Variants in GLMN observed in about 807,000 individuals in gnomAD.
GLMN encodes the protein glomulin, FKBP associated protein, also known as glomulin.
A neutral mutation model predicts 87.8 loss-of-function variants in GLMN; 75 were observed. The observed-to-expected ratio is 0.85, with a 90% CI of 0.71 to 1.04. The LOEUF is 1.04. Among genes scored for constraint, GLMN ranks in the 50% least tolerant of loss-of-function variants. The pLI, the probability that GLMN is intolerant of heterozygous loss-of-function variation, is 0.00. For synonymous variants in GLMN, 206 were observed against 221.6 expected (o/e 0.93, Z 0.63); for missense variants, 588 against 658.8 (o/e 0.89, Z 1.18).
chr1:92,250,466 T>C (rs1653318603), intron 16 of GLMN, among the ~76,000 whole-genome samples: 1 of 152,224 alleles, frequency 6.6e-6, no homozygotes. Context: ...CCTAAGTTTT[T>C]AGTATTTCAA....
At chr1:92,327,458 G>A in the GLMN span, among the ~76,000 whole-genome samples, 1 of 152,076 alleles carries the variant, frequency 6.6e-6, no homozygotes, top group Non-Finnish European at 1.5e-5. Context: ...AGTTTGTTTT[G>A]TCTGATATAA....
the GLMN span, among the ~76,000 whole-genome samples, chr1:92,334,857 G>A: frequency 9.2e-5 from 14 of 152,090 alleles, 1 homozygote; most frequent in East Asian, 2.1e-3. Context: ...GCGTGGTGGC[G>A]GATGCCTGTA....
chr1:92,356,352 T>C, the GLMN span, among the ~76,000 whole-genome samples: 3 of 152,268 alleles, frequency 2.0e-5, no homozygotes, highest in African/African-American at 7.2e-5. Flanking sequence ...TATGTGAGAG[T>C]TTCTGATTCT....
upstream of GLMN, among the ~76,000 whole-genome samples, chr1:92,303,164 C>T (rs530393554): frequency 6.6e-6 from 1 of 152,274 alleles, no homozygotes; most frequent in African/African-American, 2.4e-5. Context: ...TACAAAAACA[C>T]TTCTTAGTGT....
chr1:92,277,870 A>T (rs1402612393), intron 7 of GLMN, among the ~76,000 whole-genome samples: 1 of 152,088 alleles, frequency 6.6e-6, no homozygotes, highest in East Asian at 1.9e-4. Context: ...CAATCTAGCA[A>T]ATTAATCAAA....
At chr1:92,337,378 T>C in the GLMN span, among the ~76,000 whole-genome samples, 4 of 152,224 alleles carry the variant, frequency 2.6e-5, no homozygotes, top group East Asian at 7.7e-4. Flanking sequence ...TTTAAAAACA[T>C]CAGTAACCTT....
At chr1:92,324,307 A>G in the GLMN span, 1 of 1,613,972 alleles carries the variant, frequency 6.2e-7, no homozygotes, top group Non-Finnish European at 8.5e-7. Flanking sequence ...AAATCTGAGG[A>G]TCAGGGAGTT....
intron 1 of GLMN, among the ~76,000 whole-genome samples, chr1:92,298,379 G>A (rs1021016768): frequency 3.3e-5 from 5 of 151,480 alleles, no homozygotes; most frequent in African/African-American, 1.2e-4. Flanking sequence ...ACGAACTAAA[G>A]GGCTTTTAAA....
intron 16 of GLMN, among the ~76,000 whole-genome samples, chr1:92,254,690 C>T (rs1247445791): frequency 1.3e-5 from 2 of 152,238 alleles, no homozygotes; most frequent in East Asian, 3.9e-4. Context: ...AAATAAAATC[C>T]TTTACAGACA....
intron 13 of GLMN, among the ~76,000 whole-genome samples, chr1:92,265,044 T>C (rs1286541364): frequency 6.6e-6 from 1 of 152,142 alleles, no homozygotes; most frequent in East Asian, 1.9e-4. Flanking sequence ...GGTTTCACCA[T>C]GTTGGCCAGG....
the GLMN span, among the ~76,000 whole-genome samples, chr1:92,347,887 G>T: frequency 2.6e-4 from 40 of 152,106 alleles, no homozygotes; most frequent in South Asian, 7.9e-3. Flanking sequence ...GTAGTGTATC[G>T]CATGTTTCAT....
intron 16 of GLMN, among the ~76,000 whole-genome samples, chr1:92,253,866 A>G (rs1268616490): frequency 6.6e-6 from 1 of 152,202 alleles, no homozygotes; most frequent in Non-Finnish European, 1.5e-5. Flanking sequence ...CTCTTCTCCA[A>G]AGGATCACAA....
chr1:92,253,357 A>G (rs1460557289), intron 16 of GLMN, among the ~76,000 whole-genome samples: 2 of 152,172 alleles, frequency 1.3e-5, no homozygotes, highest in African/African-American at 4.8e-5. Context: ...GCAGACAAAC[A>G]TTCCTGCCTG....
intron 9 of GLMN, among the ~76,000 whole-genome samples, chr1:92,269,115 T>G (rs1028663516): frequency 6.6e-6 from 1 of 151,836 alleles, no homozygotes; most frequent in African/African-American, 2.4e-5. Flanking sequence ...AGAGAGAGAC[T>G]GGTTTCGAAC....
At chr1:92,254,572 T>C (rs1653980124) in intron 16 of GLMN, among the ~76,000 whole-genome samples, 1 of 152,186 alleles carries the variant, frequency 6.6e-6, no homozygotes, top group South Asian at 2.1e-4. Flanking sequence ...CGGTTCTCTC[T>C]GCAGAAACCC....
At position 92,267,331 on chromosome 1, in the gene GLMN, T is replaced by C. The variant is rs559452512; in HGVS notation, c.1098+582A>G. On this transcript the variant is annotated intron_variant, in intron 11 of 18. Transcript: ENST00000370360. Reference sequence around the variant, plus strand: ...AGTGTTAAAAGAAGAAAGTTATGCTTTTCTACTGGATGCTGTGCTATCAAT... The same window carrying C: ...AGTGTTAAAAGAAGAAAGTTATGCTCTTCTACTGGATGCTGTGCTATCAAT... 9.8e-5 allele frequency among the ~76,000 whole-genome samples: 15 copies of C among 152,312 alleles called. No individual in the cohort carries two copies. The South Asian group carries it at 3.1e-3, about 32-fold the overall frequency.
intron 9 of GLMN, among the ~76,000 whole-genome samples, chr1:92,269,480 A>G (rs1271771155): frequency 6.6e-6 from 1 of 152,176 alleles, no homozygotes; most frequent in Admixed American, 6.5e-5. Context: ...TTAGAAACAG[A>G]TGACTGTAAA....
At chr1:92,259,057 C>T (rs1037606454) in intron 16 of GLMN, among the ~76,000 whole-genome samples, 1 of 152,092 alleles carries the variant, frequency 6.6e-6, no homozygotes, top group African/African-American at 2.4e-5. Context: ...TACCTGTGGC[C>T]TTTGCCATCT....
chr1:92,253,849 C>T (rs755281503), intron 16 of GLMN, among the ~76,000 whole-genome samples: 7 of 152,136 alleles, frequency 4.6e-5, no homozygotes, highest in Non-Finnish European at 7.3e-5. Context: ...TCCAAGCACA[C>T]GAACACCTCT....
Sources: allele counts gnomAD v4.1 joint callset (sites outside exome capture counted in the v4.1 genomes callset), GRCh38; gene constraint gnomAD v4.1.1; transcripts MANE v1.5; gene names NCBI Gene and HGNC (gene_info 2026-07-23, HGNC 2026-07-21).